Variants in LRBA observed in about 807,000 individuals in gnomAD.
LRBA encodes the protein LPS responsive beige-like anchor protein.
In LRBA, 176 loss-of-function variants were observed where a neutral mutation model predicts 330.0. That is an observed-to-expected ratio of 0.53 (90% confidence interval 0.47 to 0.60). The LOEUF (loss-of-function observed/expected upper bound fraction) is 0.60. Ranked by LOEUF, LRBA falls within the 20% of genes least tolerant of loss-of-function variation. The pLI, the probability that LRBA is intolerant of heterozygous loss-of-function variation, is 0.00. For synonymous variants in LRBA, 1,230 were observed against 1,193.0 expected, an observed-to-expected ratio of 1.03 and a Z score of -0.64; for missense variants, 3,259 against 3,444.8, an observed-to-expected ratio of 0.95 and a Z score of 1.35.
At chr4:150,634,899 G>A (rs1777733978) in intron 37 of LRBA, among the ~76,000 whole-genome samples, 1 of 152,100 alleles carries the variant, frequency 6.6e-6, no homozygotes, top group Non-Finnish European at 1.5e-5. Context: ...CTGCACCACT[G>A]CCCCCTAGAC....
At chr4:150,808,236 T>TGAAAC in intron 32 of LRBA, 84 bp downstream of exon 32, 1 of 829,396 alleles carries the variant, frequency 1.2e-6, no homozygotes, top group South Asian at 1.6e-5. Flanking sequence ...TGAAATGAAA[T>TGAAAC]GAAACGAAGT....
Position 150,277,918 on chromosome 4 carries a change from C to T in LRBA, c.8403G>A (p.Lys2801=). The change falls in exon 56 of 57, where the codon AAG becomes AAA. Residue 2801 remains lysine, a synonymous_variant. Coordinates refer to ENST00000651943, the MANE Select transcript of LRBA (RefSeq NM_001364905.1). Reference sequence around the variant, plus strand: ...CACATCCTGGATAGGCAAAGAGCTGCTTGAGGTCCGACACCTGCCGGACCA... The same window carrying T: ...CACATCCTGGATAGGCAAAGAGCTGTTTGAGGTCCGACACCTGCCGGACCA... ...VVVVRQVSDL[K]QLFAYPGCDA... 2 of 1,614,136 alleles carry T rather than the reference C, an allele frequency of 1.2e-6. No individual in the cohort carries two copies. The highest frequency in any genetic ancestry group is 1.7e-6 in the Non-Finnish European group (2 of 1,180,030).
At chr4:151,004,458 G>A (rs916427883) in intron 2 of LRBA, among the ~76,000 whole-genome samples, 9 of 152,184 alleles carry the variant, frequency 5.9e-5, no homozygotes, top group African/African-American at 1.9e-4. Flanking sequence ...ACATCCTGGT[G>A]GGACAGAGAG....
chr4:150,428,815 T>C lies in LRBA; in HGVS notation c.7041+6774A>G, dbSNP rs76526741. Among the ~76,000 whole-genome samples the C allele has an allele frequency of 3.4e-3, 512 of 152,216 alleles. 1 individual carries two copies. The highest frequency in any genetic ancestry group is 0.012 in the African/African-American group (487 of 41,548). On this transcript the variant is annotated intron_variant, in intron 46 of 56. Coordinates refer to ENST00000651943, the MANE Select transcript of LRBA (RefSeq NM_001364905.1). ...TTAGACTCAACTGCCTTTCAGAATC[T>C]CTGTTTCTATGTTTTCTACACACCC...
At chr4:150,624,946 G>A (rs1466757299) in intron 37 of LRBA, among the ~76,000 whole-genome samples, 1 of 152,112 alleles carries the variant, frequency 6.6e-6, no homozygotes, top group African/African-American at 2.4e-5. Context: ...TTTTCAGAAA[G>A]AAACACTCAT....
At chr4:150,895,401 T>C (rs1394715774) in intron 16 of LRBA, among the ~76,000 whole-genome samples, 1 of 152,170 alleles carries the variant, frequency 6.6e-6, no homozygotes, top group Non-Finnish European at 1.5e-5. Context: ...TCATTTAACA[T>C]TAGGTATATC....
At chr4:150,785,380 G>A (rs10004115) in intron 34 of LRBA, among the ~76,000 whole-genome samples, 13,634 of 152,180 alleles carry the variant, frequency 0.09, 1,066 homozygotes, top group African/African-American at 0.2. Context: ...TATGACCTCT[G>A]GAAAAATGTC....
chr4:150,529,234 TTAAATC>T (rs1003922927), intron 40 of LRBA, among the ~76,000 whole-genome samples: 1 of 152,200 alleles, frequency 6.6e-6, no homozygotes, highest in Non-Finnish European at 1.5e-5. Context: ...AGGTTATAGA[TTAAATC>T]TAACTCATCT....
At chr4:150,596,373 T>C (rs958028825) in intron 38 of LRBA, among the ~76,000 whole-genome samples, 1 of 151,836 alleles carries the variant, frequency 6.6e-6, no homozygotes, top group Non-Finnish European at 1.5e-5. Context: ...ACTACTAAAA[T>C]ACGTAACTGA....
At chr4:150,930,331 A>G (rs1734361408) in intron 2 of LRBA, among the ~76,000 whole-genome samples, 2 of 151,928 alleles carry the variant, frequency 1.3e-5, no homozygotes, top group South Asian at 4.2e-4. Context: ...AAAAAACAAA[A>G]AAATACAAAA....
intron 40 of LRBA, among the ~76,000 whole-genome samples, chr4:150,518,972 TA>T (rs1762643446): frequency 6.6e-6 from 1 of 152,216 alleles, no homozygotes; most frequent in Admixed American, 6.5e-5. Flanking sequence ...CCACAAACAT[TA>T]ATAGTCCCAC....
chr4:150,590,948 A>G (rs1379005948), intron 38 of LRBA, 89 bp from the exon 39 acceptor site: 1 of 1,151,734 alleles, frequency 8.7e-7, no homozygotes, highest in African/African-American at 1.5e-5. Context: ...GTAGGTGGCC[A>G]AAGATGGTCA....
chr4:150,983,237 A>G (rs1376700439), intron 2 of LRBA, among the ~76,000 whole-genome samples: 1 of 152,104 alleles, frequency 6.6e-6, no homozygotes, highest in African/African-American at 2.4e-5. Flanking sequence ...CAAGCGGAAC[A>G]CTTGAAGCCA....
chr4:150,921,147 G>A (rs577140609), intron 5 of LRBA, 51 bp downstream of exon 5: 9 of 1,233,392 alleles, frequency 7.3e-6, no homozygotes, highest in Admixed American at 1.7e-5. Flanking sequence ...TACTTTCAGG[G>A]AGCAAAGGAA....
At chr4:150,691,110 T>G (rs1402873736) in intron 36 of LRBA, among the ~76,000 whole-genome samples, 2 of 151,886 alleles carry the variant, frequency 1.3e-5, no homozygotes, top group African/African-American at 4.8e-5. Context: ...TTTGTATTTT[T>G]TAGTAGAGGC....
At chr4:150,309,384 AATGCATTTAT>A (rs2126875665) in intron 52 of LRBA, among the ~76,000 whole-genome samples, 1 of 152,254 alleles carries the variant, frequency 6.6e-6, no homozygotes, top group South Asian at 2.1e-4. Flanking sequence ...ATCCCCTAAC[AATGCATTTAT>A]CAGAATGTAT....
intron 40 of LRBA, among the ~76,000 whole-genome samples, chr4:150,499,479 C>G (rs1581497392): frequency 6.6e-6 from 1 of 151,964 alleles, no homozygotes; most frequent in Non-Finnish European, 1.5e-5. Context: ...CCCATCTCTA[C>G]AAAAAATAAA....
intron 36 of LRBA, among the ~76,000 whole-genome samples, chr4:150,719,998 G>T (rs1353201799): frequency 6.6e-6 from 1 of 152,106 alleles, no homozygotes; most frequent in Non-Finnish European, 1.5e-5. Context: ...TTCTAAGAAA[G>T]ACTCCTCACC....
At chr4:150,721,835 G>A (rs750600637) in intron 36 of LRBA, among the ~76,000 whole-genome samples, 95 of 151,948 alleles carry the variant, frequency 6.3e-4, no homozygotes, top group Non-Finnish European at 5.2e-4. Context: ...CAGGCTGGTC[G>A]CGAACTCCTG....
Sources: allele counts gnomAD v4.1 joint callset (sites outside exome capture counted in the v4.1 genomes callset), GRCh38; gene constraint gnomAD v4.1.1; transcripts MANE v1.5; gene names NCBI Gene and HGNC (gene_info 2026-07-23, HGNC 2026-07-21).